Variants in BRD10 observed in about 807,000 individuals in gnomAD.
BRD10 encodes bromodomain containing 10.
chr9:5,987,363 T>C, the BRD10 span, among the ~76,000 whole-genome samples: 1 of 152,202 alleles, frequency 6.6e-6, no homozygotes. Context: ...AGATGTAGAC[T>C]ACTACAGCCT....
At chr9:5,945,500 T>C in the BRD10 span, among the ~76,000 whole-genome samples, 1 of 152,238 alleles carries the variant, frequency 6.6e-6, no homozygotes, top group South Asian at 2.1e-4. Flanking sequence ...AAGTACACAT[T>C]CTTAATATCA....
chr9:5,950,260 T>G, the BRD10 span, among the ~76,000 whole-genome samples: 2 of 152,138 alleles, frequency 1.3e-5, no homozygotes, highest in Admixed American at 1.3e-4. Flanking sequence ...TTTATGCCAT[T>G]TTTAATTGAT....
At chr9:5,905,252 A>C in the BRD10 span, among the ~76,000 whole-genome samples, 1 of 152,118 alleles carries the variant, frequency 6.6e-6, no homozygotes, top group Non-Finnish European at 1.5e-5. Context: ...TCCTCCAAAC[A>C]ACTGAATGGA....
At chr9:5,989,235 TAAAAA>T in the BRD10 span, among the ~76,000 whole-genome samples, 12 of 46,186 alleles carry the variant, frequency 2.6e-4, no homozygotes, top group African/African-American at 7.5e-4. Flanking sequence ...TCTGTCTCAT[TAAAAA>T]AAAAAAAAAA....
At chr9:5,995,278 G>A in the BRD10 span, among the ~76,000 whole-genome samples, 97,093 of 152,034 alleles carry the variant, frequency 0.64, 32,510 homozygotes, top group Non-Finnish European at 0.76. Flanking sequence ...CAGAGAAAAC[G>A]GCAGTTTTTA....
chr9:5,976,257 C>T, the BRD10 span, among the ~76,000 whole-genome samples: 3 of 152,088 alleles, frequency 2.0e-5, no homozygotes, highest in Non-Finnish European at 2.9e-5. Context: ...GATTTAATCA[C>T]GTTTATGTTA....
At chr9:5,967,910 T>G in the BRD10 span, 22 of 674,260 alleles carry the variant, frequency 3.3e-5, no homozygotes, top group Non-Finnish European at 5.0e-5. Context: ...TATACACGCA[T>G]GCATACATGT....
chr9:5,901,428 G>A, the BRD10 span, among the ~76,000 whole-genome samples: 4 of 152,272 alleles, frequency 2.6e-5, no homozygotes, highest in South Asian at 8.3e-4. Flanking sequence ...ATGAATGGGT[G>A]TTTGATTTTG....
the BRD10 span, among the ~76,000 whole-genome samples, chr9:5,905,441 A>C: frequency 6.6e-6 from 1 of 152,234 alleles, no homozygotes. Context: ...CTTTGTGGCA[A>C]TATCAAATTA....
chr9:5,939,701 G>C, the BRD10 span, among the ~76,000 whole-genome samples: 1 of 152,194 alleles, frequency 6.6e-6, no homozygotes, highest in African/African-American at 2.4e-5. Context: ...AAGGCCCTTA[G>C]CAAATACAGG....
At chr9:5,930,868 A>G in the BRD10 span, among the ~76,000 whole-genome samples, 1 of 152,224 alleles carries the variant, frequency 6.6e-6, no homozygotes, top group African/African-American at 2.4e-5. Flanking sequence ...TAAATGATAC[A>G]TTATAAAATT....
chr9:5,896,224 C>T, the BRD10 span, among the ~76,000 whole-genome samples: 8 of 152,178 alleles, frequency 5.3e-5, no homozygotes, highest in African/African-American at 9.7e-5. Context: ...TTCCTAACTC[C>T]GAGGACTGTG....
the BRD10 span, chr9:5,953,973 A>G: frequency 8.4e-7 from 1 of 1,197,398 alleles, no homozygotes; most frequent in African/African-American, 1.5e-5. Context: ...TGAACACTGA[A>G]ACAAAAAATT....
At chr9:6,000,403 A>G in the BRD10 span, among the ~76,000 whole-genome samples, 1 of 152,148 alleles carries the variant, frequency 6.6e-6, no homozygotes, top group East Asian at 1.9e-4. Flanking sequence ...TGTTCTGGGC[A>G]ACTCTCATCT....
the BRD10 span, chr9:5,890,816 A>C: frequency 6.6e-6 from 1 of 152,258 alleles, no homozygotes. Flanking sequence ...CAGAAATCTA[A>C]ACCCGTGACT....
the BRD10 span, among the ~76,000 whole-genome samples, chr9:5,915,175 T>C: frequency 6.6e-6 from 1 of 152,190 alleles, no homozygotes; most frequent in Non-Finnish European, 1.5e-5. Context: ...TTCTTTATCC[T>C]TCTCAATCTC....
the BRD10 span, among the ~76,000 whole-genome samples, chr9:5,980,958 C>T: frequency 6.6e-6 from 1 of 152,156 alleles, no homozygotes; most frequent in Admixed American, 6.5e-5. Flanking sequence ...CAACAAAACA[C>T]CTTCCTCTTC....
the BRD10 span, among the ~76,000 whole-genome samples, chr9:5,971,324 C>G: frequency 6.6e-6 from 1 of 152,044 alleles, no homozygotes; most frequent in African/African-American, 2.4e-5. Flanking sequence ...AGTATAATTG[C>G]TTTTGAAAAC....
At chr9:5,924,528 C>A in the BRD10 span, 1 of 512,328 alleles carries the variant, frequency 2.0e-6, no homozygotes, top group Non-Finnish European at 3.3e-6. Context: ...GTGGACACTA[C>A]TTCTTCAAAA....
Sources: allele counts gnomAD v4.1 joint callset (sites outside exome capture counted in the v4.1 genomes callset), GRCh38; gene constraint gnomAD v4.1.1; transcripts MANE v1.5; gene names NCBI Gene and HGNC (gene_info 2026-07-23, HGNC 2026-07-21).